ATP6V0A4: variants seen among roughly 807,000 people sequenced by gnomAD.
ATP6V0A4 encodes V-type proton ATPase 116 kDa subunit a 4.
In ATP6V0A4, 86 loss-of-function variants were observed where a neutral mutation model predicts 107.3. The ratio of observed to expected loss-of-function variants is 0.80; its 90% CI spans 0.67 to 0.96. ATP6V0A4 has a LOEUF of 0.96. Among genes scored for constraint, ATP6V0A4 ranks in the 40% least tolerant of loss-of-function variants. The pLI, the probability that ATP6V0A4 is intolerant of heterozygous loss-of-function variation, is 0.00. For synonymous variants in ATP6V0A4, 353 were observed against 381.4 expected, an observed-to-expected ratio of 0.93 and a Z score of 0.87; for missense variants, 908 against 1,045.6, an observed-to-expected ratio of 0.87 and a Z score of 1.81.
chr7:138,718,848 G>C (rs1408119049), intron 19 of ATP6V0A4, among the ~76,000 whole-genome samples: 1 of 152,152 alleles, frequency 6.6e-6, no homozygotes, highest in Non-Finnish European at 1.5e-5. Flanking sequence ...GAGATGGAGT[G>C]AGCAGGTAGA....
At chr7:138,724,422 C>T (rs1259091782) in intron 18 of ATP6V0A4, among the ~76,000 whole-genome samples, 1 of 152,144 alleles carries the variant, frequency 6.6e-6, no homozygotes, top group African/African-American at 2.4e-5. Flanking sequence ...AAGTTCTGCT[C>T]GCATTCCCTA....
At chr7:138,739,763 A>C in intron 14 of ATP6V0A4, 130 bp from the exon 15 acceptor site, 1 of 1,447,726 alleles carries the variant, frequency 6.9e-7, no homozygotes, top group Non-Finnish European at 9.4e-7. Flanking sequence ...TGGTTGGTTC[A>C]ATATCTACTA....
At chr7:138,707,350 A>AATATATATTATATATATATTTAT (rs1554386041) in intron 21 of ATP6V0A4, among the ~76,000 whole-genome samples, 1 of 90,394 alleles carries the variant, frequency 1.1e-5, no homozygotes, top group Non-Finnish European at 2.0e-5. Flanking sequence ...TATATATTAT[A>AATATATATTATATATATATTTAT]ATATATATTA....
intron 2 of ATP6V0A4, among the ~76,000 whole-genome samples, chr7:138,776,625 C>T (rs1168929071): frequency 6.6e-6 from 1 of 152,168 alleles, no homozygotes; most frequent in Non-Finnish European, 1.5e-5. Context: ...CTTTGTCTCC[C>T]AGTCAGCGGG....
At chr7:138,795,301 CAA>C (rs1808605332) in intron 1 of ATP6V0A4, among the ~76,000 whole-genome samples, 1 of 152,124 alleles carries the variant, frequency 6.6e-6, no homozygotes, top group African/African-American at 2.4e-5. Context: ...CATCACATAA[CAA>C]TGATAAAATA....
intron 15 of ATP6V0A4, among the ~76,000 whole-genome samples, chr7:138,734,832 T>A (rs1584910015): frequency 6.7e-6 from 1 of 150,368 alleles, no homozygotes; most frequent in East Asian, 2.0e-4. Context: ...TACGGCAAGA[T>A]CTCAAACTTG....
At position 138,755,599 on chromosome 7, in the gene ATP6V0A4, A is replaced by G. The variant is rs923366799; in HGVS notation, c.816+90T>C. 10 of 1,550,308 alleles carry G rather than the reference A, an allele frequency of 6.5e-6. No homozygotes were observed. In the Admixed American group the frequency reaches 1.8e-4, roughly 27 times the overall value. ...CAGCATTCCAGCCAGCCTCCCAGCA[A>G]GGGCCCTGGGGGGCAGGGCTTGTAT... On this transcript the variant is annotated intron_variant, in intron 10 of 21. Transcript: ENST00000310018.
At chr7:138,774,599 A>C (rs1563015474) in intron 2 of ATP6V0A4, among the ~76,000 whole-genome samples, 1 of 146,000 alleles carries the variant, frequency 6.8e-6, no homozygotes, top group African/African-American at 2.5e-5. Flanking sequence ...ATAAATAAAT[A>C]TATATATCTA....
At chr7:138,714,238 G>GAAAA (rs34018116) in intron 20 of ATP6V0A4, among the ~76,000 whole-genome samples, 2 of 126,974 alleles carry the variant, frequency 1.6e-5, no homozygotes, top group South Asian at 2.7e-4. Flanking sequence ...CCTGTCTTAG[G>GAAAA]AAAAAAAAAA....
At chr7:138,761,253 G>T (rs1293639650) in intron 7 of ATP6V0A4, among the ~76,000 whole-genome samples, 1 of 152,098 alleles carries the variant, frequency 6.6e-6, no homozygotes, top group African/African-American at 2.4e-5. Context: ...GATCACTTGA[G>T]CCTGAGAGGT....
chr7:138,756,184 A>G (rs112588266), intron 9 of ATP6V0A4, among the ~76,000 whole-genome samples: 1 of 152,218 alleles, frequency 6.6e-6, no homozygotes, highest in African/African-American at 2.4e-5. Flanking sequence ...CAGTTGGATT[A>G]CTCTGGAGCA....
rs1806259068 is a variant in ATP6V0A4 at position 138,752,096 on chromosome 7, G to A, written c.1029+529C>T. On this transcript the variant is annotated intron_variant, in intron 11 of 21. Transcript: ENST00000310018. ...ACATTAATGCTCAGTATGGCCGGGTGTGATGTCTCACACCTGTAATGTCAG... is the reference window on the plus strand; with the variant it reads ...ACATTAATGCTCAGTATGGCCGGGTATGATGTCTCACACCTGTAATGTCAG... Among the ~76,000 whole-genome samples, 3 of 152,310 alleles carry A rather than the reference G, an allele frequency of 2.0e-5. No homozygotes were observed. In the South Asian group the frequency reaches 6.2e-4, roughly 32 times the overall value.
At chr7:138,763,651 A>C (rs898990151) in intron 5 of ATP6V0A4, among the ~76,000 whole-genome samples, 1 of 151,884 alleles carries the variant, frequency 6.6e-6, no homozygotes, top group Non-Finnish European at 1.5e-5. Flanking sequence ...AATAACAATA[A>C]AAATAACTTC....
At chr7:138,790,981 A>C (rs1182661337) in intron 1 of ATP6V0A4, among the ~76,000 whole-genome samples, 1 of 152,236 alleles carries the variant, frequency 6.6e-6, no homozygotes, top group African/African-American at 2.4e-5. Flanking sequence ...AGGTATGCAA[A>C]GAAACATGAT....
intron 21 of ATP6V0A4, among the ~76,000 whole-genome samples, chr7:138,708,496 G>C (rs1034074062): frequency 6.6e-6 from 1 of 152,188 alleles, no homozygotes; most frequent in Admixed American, 6.5e-5. Context: ...GCCATAGAGG[G>C]AGGAAGAAAA....
At chr7:138,763,230 A>G in intron 5 of ATP6V0A4, 1 of 313,872 alleles carries the variant, frequency 3.2e-6, no homozygotes, top group South Asian at 1.2e-4. Context: ...CTCTCTTAAG[A>G]GTTCCATCAC....
chr7:138,764,305 G>A (rs1806980494), intron 5 of ATP6V0A4, among the ~76,000 whole-genome samples: 1 of 151,888 alleles, frequency 6.6e-6, no homozygotes, highest in Non-Finnish European at 1.5e-5. Context: ...CTTACACAGG[G>A]CGACAGACAC....
chr7:138,724,503 A>G (rs963257355), intron 18 of ATP6V0A4, among the ~76,000 whole-genome samples: 2 of 152,128 alleles, frequency 1.3e-5, no homozygotes, highest in African/African-American at 4.8e-5. Context: ...CCCTCAGGAG[A>G]CTGAGGAACA....
intron 15 of ATP6V0A4, 85 bp downstream of exon 15, chr7:138,739,455 G>T (rs545901398): frequency 7.8e-5 from 116 of 1,495,288 alleles, no homozygotes; most frequent in Non-Finnish European, 9.8e-5. Context: ...GATTTGACAG[G>T]CTTTGTTGGC....
Sources: gnomAD v4.1 joint callset for allele counts (sites outside exome capture counted in the v4.1 genomes callset) on GRCh38, gnomAD v4.1.1 for gene constraint, MANE v1.5 for transcripts, NCBI Gene and HGNC (gene_info 2026-07-23, HGNC 2026-07-21) for gene names.